ADAMTS16: variants seen among roughly 807,000 people sequenced by gnomAD.
ADAMTS16 encodes ADAM metallopeptidase with thrombospondin type 1 motif 16.
A neutral mutation model predicts 145.8 loss-of-function variants in ADAMTS16; 94 were observed. That is an observed-to-expected ratio of 0.64 (90% CI 0.55 to 0.77). The LOEUF (loss-of-function observed/expected upper bound fraction) is 0.77, where lower values mean the gene tolerates loss of function less well. Among genes scored for constraint, ADAMTS16 ranks in the 30% least tolerant of loss-of-function variants. ADAMTS16 has a pLI of 0.00. For synonymous variants in ADAMTS16, 659 were observed against 604.3 expected (o/e 1.09, Z -1.33); for missense variants, 1,585 against 1,591.5 (o/e 1.00, Z 0.07).
At chr5:5,283,917 T>G (rs980676670) in intron 18 of ADAMTS16, among the ~76,000 whole-genome samples, 6 of 152,212 alleles carry the variant, frequency 3.9e-5, no homozygotes, top group Non-Finnish European at 8.8e-5. Context: ...TTTAATAGTA[T>G]TTTCTTTATA....
In ADAMTS16 at chr5:5,147,248, G is replaced by A. The variant is rs7702383; in HGVS notation, c.501+793G>A. Among the ~76,000 whole-genome samples, 677 of 152,256 alleles carry A rather than the reference G, an allele frequency of 4.4e-3. 7 individuals carry two copies. Among genetic ancestry groups the A allele is most frequent in the African/African-American group, 0.015 (636 of 41,534 alleles). ...ATGAATTGCTCAGGTGCAGAGGAGC[G>A]AAGTGTGACTTAGACAGCAGAGTGA... On this transcript the variant is annotated intron_variant, in intron 3 of 22. Transcript: ENST00000274181.
chr5:5,309,233 A>T (rs1319327153), intron 21 of ADAMTS16, among the ~76,000 whole-genome samples: 1 of 152,234 alleles, frequency 6.6e-6, no homozygotes, highest in African/African-American at 2.4e-5. Flanking sequence ...GGCTGAAGCC[A>T]TCTCTGGATT....
intron 8 of ADAMTS16, 34 bp downstream of exon 8, chr5:5,191,824 A>T (rs1735670024): frequency 9.2e-6 from 14 of 1,514,412 alleles, no homozygotes; most frequent in Non-Finnish European, 1.2e-5. Flanking sequence ...TGGCATCCCG[A>T]GTTTTTTCCT....
At chr5:5,271,708 C>T (rs1297940885) in intron 18 of ADAMTS16, among the ~76,000 whole-genome samples, 1 of 152,180 alleles carries the variant, frequency 6.6e-6, no homozygotes, top group East Asian at 1.9e-4. Context: ...AAATGCTTTC[C>T]AGATGGTAAA....
At chr5:5,282,138 C>G (rs565232816) in intron 18 of ADAMTS16, among the ~76,000 whole-genome samples, 1 of 152,020 alleles carries the variant, frequency 6.6e-6, no homozygotes, top group East Asian at 1.9e-4. Context: ...ATAACTGTCA[C>G]GCTCTGGGTA....
intron 3 of ADAMTS16, among the ~76,000 whole-genome samples, chr5:5,162,444 G>A (rs905376529): frequency 7.2e-5 from 11 of 152,156 alleles, no homozygotes; most frequent in Non-Finnish European, 7.4e-5. Flanking sequence ...CCAGGCATCC[G>A]TTATCTCCTC....
rs1195265710 is a variant in ADAMTS16 at position 5,190,068 on chromosome 5, A to T, written c.1145A>T (p.His382Leu). 1.5e-5 allele frequency: 25 copies of T among 1,612,976 alleles called. No homozygotes were observed. The highest frequency in any genetic ancestry group is 1.9e-5 in the Non-Finnish European group (23 of 1,179,608). Residue 382 changes from histidine (H) to leucine (L), a missense_variant, in exon 7 of 23, where the codon CAC (histidine) becomes CTC (leucine). Coordinates refer to ENST00000274181, the MANE Select transcript of ADAMTS16 (RefSeq NM_139056.4). ...LMGKDGTRHD[H>L]AILLTGLDIC... The stretch of plus-strand genomic sequence containing the variant: ...GGGAAAGATGGGACTCGTCATGACC[A>T]CGCCATCTTACTGACTGGTCTGGAT...
Position 5,140,679 on chromosome 5 carries a change from A to C in ADAMTS16, c.88A>C (p.Met30Leu). 2 of 1,558,780 alleles carry C rather than the reference A, an allele frequency of 1.3e-6. No individual in the cohort carries two copies. The highest frequency in any genetic ancestry group is 2.3e-5 in the East Asian group (1 of 42,784). ...TTTTCCGCAGGCACCTGCGTGCGCCATGGGACCCGCAGCGGCAGCGCCTGG... is the reference window on the plus strand; with the variant it reads ...TTTTCCGCAGGCACCTGCGTGCGCCCTGGGACCCGCAGCGGCAGCGCCTGG... ...QVAEQAPACA[M>L]GPAAAAPGSP... is the part of the protein sequence containing the mutation. The change falls in exon 2 of 23, where the codon ATG becomes CTG. Residue 30 changes from methionine to leucine, a missense_variant. Met to Leu is a conservative substitution (Grantham distance 15). This residue lies in a region of ADAMTS16 where 453 missense variants were observed against 412.1 expected (regional missense o/e 1.10). Coordinates refer to ENST00000274181, the MANE Select transcript of ADAMTS16 (RefSeq NM_139056.4).
chr5:5,274,675 T>TATATATATACATATATAC (rs1019996939), intron 18 of ADAMTS16, among the ~76,000 whole-genome samples: 6 of 141,786 alleles, frequency 4.2e-5, no homozygotes, highest in Non-Finnish European at 7.9e-5. Flanking sequence ...TGTATATGTG[T>TATATATATACATATATAC]ATATATATAC....
At chr5:5,168,785 A>G (rs1734969565) in intron 3 of ADAMTS16, among the ~76,000 whole-genome samples, 1 of 144,626 alleles carries the variant, frequency 6.9e-6, no homozygotes, top group Non-Finnish European at 1.5e-5. Context: ...TATTATAGAT[A>G]GAGCCCTTAT....
In ADAMTS16 at chr5:5,182,080, C is replaced by T. The variant is rs1406897550; in HGVS notation, c.538C>T (p.Leu180=). 2 of 1,613,386 alleles carry T rather than the reference C, an allele frequency of 1.2e-6. No individual in the cohort carries two copies. Among genetic ancestry groups the T allele is most frequent in the Non-Finnish European group, 1.7e-6 (2 of 1,179,866 alleles). ...MIRTEEADYF[L]RPLPSHLSWK... The stretch of plus-strand genomic sequence containing the variant: ...ACGAACAGAAGAGGCAGATTACTTC[C>T]TAAGGCCACTTCCTTCACACCTCTC... Residue 180 remains leucine (L), a synonymous_variant, in exon 4 of 23, where the codon CTA becomes TTA. Coordinates refer to ENST00000274181, the MANE Select transcript of ADAMTS16 (RefSeq NM_139056.4).
chr5:5,250,984 G>A (rs1579342089), intron 17 of ADAMTS16, among the ~76,000 whole-genome samples: 4 of 152,246 alleles, frequency 2.6e-5, no homozygotes, highest in African/African-American at 7.2e-5. Flanking sequence ...AGAGAGTGTA[G>A]GCAGATAAGA....
At chr5:5,222,933 C>A (rs751882888) in intron 11 of ADAMTS16, 49 bp downstream of exon 11, 1 of 1,541,636 alleles carries the variant, frequency 6.5e-7, no homozygotes, top group Non-Finnish European at 9.0e-7. Flanking sequence ...GCTAGTCTTT[C>A]AACCCATGCA....
chr5:5,163,572 A>G (rs1734793806), intron 3 of ADAMTS16, among the ~76,000 whole-genome samples: 1 of 152,210 alleles, frequency 6.6e-6, no homozygotes, highest in Non-Finnish European at 1.5e-5. Context: ...AAGGGAAGTC[A>G]TGTAGAATAT....
intron 10 of ADAMTS16, among the ~76,000 whole-genome samples, chr5:5,221,054 A>G (rs1736591886): frequency 6.6e-6 from 1 of 151,800 alleles, no homozygotes; most frequent in Non-Finnish European, 1.5e-5. Flanking sequence ...CTCTCTCCCT[A>G]GTCTCCCGTT....
intron 11 of ADAMTS16, among the ~76,000 whole-genome samples, chr5:5,230,029 A>G (rs1736878564): frequency 6.6e-6 from 1 of 152,206 alleles, no homozygotes; most frequent in African/African-American, 2.4e-5. Context: ...ACATGAAGCC[A>G]TCAATGGTGC....
At chr5:5,157,839 G>A (rs1734640242) in intron 3 of ADAMTS16, among the ~76,000 whole-genome samples, 1 of 152,088 alleles carries the variant, frequency 6.6e-6, no homozygotes, top group African/African-American at 2.4e-5. Flanking sequence ...ATTTTTGATT[G>A]AGCTTTCCTC....
Position 5,191,696 on chromosome 5 carries a change from A to G in ADAMTS16, c.1219A>G (p.Ile407Val), listed in dbSNP as rs751226959. The change falls in exon 8 of 23, where the codon ATA (isoleucine) becomes GTA (valine). Residue 407 changes from isoleucine (I) to valine (V), a missense_variant. Around this residue, in one of 3 missense-constraint regions of ADAMTS16, gnomAD observed 298 missense variants for 367.6 expected, o/e 0.81. Coordinates refer to ENST00000274181, the MANE Select transcript of ADAMTS16 (RefSeq NM_139056.4). Reference protein sequence around the residue: ...EPCDTLGFAPISGMCSKYRSC... With the variant: ...EPCDTLGFAPVSGMCSKYRSC... ...TTTGTCCTTCACAGGATTTGCACCC[A>G]TAAGTGGAATGTGTAGTAAATATCG... 4.3e-6 allele frequency: 7 copies of G among 1,613,290 alleles called. No individual in the cohort carries two copies. The highest frequency in any genetic ancestry group is 2.2e-5 in the East Asian group (1 of 44,856).
chr5:5,151,603 A>G (rs2913675), intron 3 of ADAMTS16, among the ~76,000 whole-genome samples: 122,593 of 145,194 alleles, frequency 0.84, 50,026 homozygotes, highest in Admixed American at 0.88. Flanking sequence ...TTATACACAC[A>G]CACACGCACA....
Sources: gnomAD v4.1 joint callset for allele counts (sites outside exome capture counted in the v4.1 genomes callset) on GRCh38, gnomAD v4.1.1 for gene constraint, gnomAD v4.1.1 regional missense constraint, MANE v1.5 for transcripts, NCBI Gene and HGNC (gene_info 2026-07-23, HGNC 2026-07-21) for gene names.